The following GALNT10 variants were observed in gnomAD, a reference collection of about 807,000 sequenced individuals.
GALNT10 encodes the protein polypeptide N-acetylgalactosaminyltransferase 10.
GALNT10 carries 41 observed loss-of-function variants against 75.0 expected under a neutral mutation model. The ratio of observed to expected loss-of-function variants is 0.55; its 90% CI spans 0.43 to 0.71. The LOEUF (loss-of-function observed/expected upper bound fraction) is 0.71, where lower values mean the gene tolerates loss of function less well. GALNT10 is among the 30% of genes least tolerant of loss of function. GALNT10 has a pLI of 0.00. For synonymous variants in GALNT10, 302 were observed against 313.0 expected, an observed-to-expected ratio of 0.96 and a Z score of 0.37; for missense variants, 727 against 818.5, an observed-to-expected ratio of 0.89 and a Z score of 1.36.
intron 3 of GALNT10, among the ~76,000 whole-genome samples, chr5:154,305,240 A>G (rs1168375273): frequency 6.6e-6 from 1 of 152,016 alleles, no homozygotes. Context: ...AGGCTGCAGT[A>G]AGCTATGACC....
intron 1 of GALNT10, among the ~76,000 whole-genome samples, chr5:154,252,465 T>A (rs566373581): frequency 4.1e-4 from 63 of 152,324 alleles, no homozygotes; most frequent in African/African-American, 1.5e-3. Flanking sequence ...TGTTGTTCAC[T>A]TTTTCTTTCC....
rs575022967 is a variant in GALNT10, at chr5:154,241,382, G to A, written c.159+50357G>A. On this transcript the variant is annotated intron_variant, in intron 1 of 11. Transcript: ENST00000297107. ...CATAATCTCATTATAGAAAGTTCAC[G>A]AAATGCAGATAAGTGCAAACAAAAG... is the stretch of plus-strand genomic sequence containing the variant. Among the ~76,000 whole-genome samples, 5 of 152,328 alleles carry A rather than the reference G, an allele frequency of 3.3e-5. No homozygotes were observed. The East Asian group carries it at 5.8e-4, about 18-fold the overall frequency.
intron 1 of GALNT10, 93 bp downstream of exon 1, chr5:154,191,118 C>T (rs935123896): frequency 5.8e-6 from 5 of 862,460 alleles, no homozygotes; most frequent in Admixed American, 3.8e-5. Context: ...CTGTCTGCCT[C>T]CTCAGAGTCA....
intron 1 of GALNT10, among the ~76,000 whole-genome samples, chr5:154,194,411 T>G (rs767592127): frequency 2.6e-5 from 4 of 152,206 alleles, no homozygotes; most frequent in Non-Finnish European, 5.9e-5. Context: ...AGGGCTAGTA[T>G]CCTTTAGCTT....
At chr5:154,236,301 T>G (rs1753245640) in intron 1 of GALNT10, among the ~76,000 whole-genome samples, 1 of 152,240 alleles carries the variant, frequency 6.6e-6, no homozygotes, top group South Asian at 2.1e-4. Context: ...AGATAATCCA[T>G]GTAAAATGCC....
chr5:154,390,264 GC>G (rs1383951307), intron 7 of GALNT10, among the ~76,000 whole-genome samples: 1 of 146,512 alleles, frequency 6.8e-6, no homozygotes, highest in East Asian at 2.0e-4. Context: ...AGAACGCATG[GC>G]CCCCCATGTC....
chr5:154,340,816 A>C (rs1239182532), intron 4 of GALNT10, among the ~76,000 whole-genome samples: 1 of 152,232 alleles, frequency 6.6e-6, no homozygotes, highest in Non-Finnish European at 1.5e-5. Flanking sequence ...GCACCTTTAG[A>C]GCTGTTTACA....
In GALNT10 at chr5:154,298,636, G is replaced by T. The variant is rs994886477; in HGVS notation, c.401+557G>T. ...CCGATTTTACAGTGAGAAAACTGGG[G>T]CTTAAAGGAGGGTCATAACTCACTT... On this transcript the variant is annotated intron_variant, in intron 3 of 11. Coordinates refer to ENST00000297107, the MANE Select transcript of GALNT10 (RefSeq NM_198321.4). This position sits in a 1 kb window ranked among gnomAD's most constrained non-coding sequence, Gnocchi z 4.1. Among the ~76,000 whole-genome samples the T allele has an allele frequency of 2.6e-5, 4 of 152,132 alleles. No individual in the cohort carries two copies. The highest frequency in any genetic ancestry group is 4.8e-5 in the African/African-American group (2 of 41,428).
chr5:154,238,548 CATTATTAGGATTATTGCTGTG>C (rs1753283466), intron 1 of GALNT10, among the ~76,000 whole-genome samples: 1 of 152,158 alleles, frequency 6.6e-6, no homozygotes, highest in Non-Finnish European at 1.5e-5. Context: ...TTACCCTGGT[CATTATTAGGATTATTGCTGTG>C]ATTATTAAAC....
chr5:154,311,415 G>A (rs758790476), intron 3 of GALNT10, among the ~76,000 whole-genome samples: 2 of 152,042 alleles, frequency 1.3e-5, no homozygotes, highest in African/African-American at 2.4e-5. Flanking sequence ...GTGTCAAATG[G>A]GGAACATCAC....
chr5:154,270,563 T>C (rs1405004545), intron 1 of GALNT10, among the ~76,000 whole-genome samples: 1 of 152,106 alleles, frequency 6.6e-6, no homozygotes. Flanking sequence ...ATGTGCATGG[T>C]CCTTCACGTT....
At chr5:154,350,178 T>C (rs535207945) in intron 4 of GALNT10, among the ~76,000 whole-genome samples, 1 of 149,686 alleles carries the variant, frequency 6.7e-6, no homozygotes, top group East Asian at 1.9e-4. Flanking sequence ...TCTAATAAAG[T>C]TGCTTTCCTT....
At chr5:154,233,721 T>C (rs993169945) in intron 1 of GALNT10, among the ~76,000 whole-genome samples, 20 of 152,286 alleles carry the variant, frequency 1.3e-4, no homozygotes, top group African/African-American at 4.8e-4. Context: ...GCCATGTTTG[T>C]GATACTGTGC....
chr5:154,416,802 C>A lies in GALNT10; in HGVS notation c.1654-12C>A. The A allele has an allele frequency of 6.2e-7, 1 of 1,607,716 alleles. No individual in the cohort carries two copies. Among genetic ancestry groups the A allele is most frequent in the Non-Finnish European group, 8.5e-7 (1 of 1,174,288 alleles). On this transcript the variant is annotated splice_polypyrimidine_tract_variant and intron_variant, in intron 11 of 11. Transcript: ENST00000297107. The surrounding 1 kb of genome is among the most constrained non-coding windows in gnomAD (Gnocchi z 4.5). Reference sequence around the variant, plus strand: ...CCAGTGCTGTCTGGCTTATTACCTCCATGTTTTGTAGGACAAGACCCTGTA... The same window carrying A: ...CCAGTGCTGTCTGGCTTATTACCTCAATGTTTTGTAGGACAAGACCCTGTA...
At chr5:154,401,959 G>T (rs1427171312) in intron 7 of GALNT10, among the ~76,000 whole-genome samples, 1 of 152,056 alleles carries the variant, frequency 6.6e-6, no homozygotes. Flanking sequence ...TCATAATAAT[G>T]TCCTGAATCC....
At chr5:154,269,406 A>G (rs1201613050) in intron 1 of GALNT10, among the ~76,000 whole-genome samples, 3 of 152,182 alleles carry the variant, frequency 2.0e-5, no homozygotes, top group African/African-American at 4.8e-5. Flanking sequence ...CTATTGATCC[A>G]TTTGGTATTC....
chr5:154,239,225 C>T (rs1202569355), intron 1 of GALNT10, among the ~76,000 whole-genome samples: 2 of 152,208 alleles, frequency 1.3e-5, no homozygotes, highest in Non-Finnish European at 2.9e-5. Flanking sequence ...AGGGCTGGCT[C>T]AGGAGTCCTC....
At position 154,343,965 on chromosome 5, in the gene GALNT10, A is replaced by G. The variant is rs559891255; in HGVS notation, c.568+14227A>G. Among the ~76,000 whole-genome samples, 5 of 152,282 alleles carry G rather than the reference A, an allele frequency of 3.3e-5. No homozygotes were observed. The South Asian group carries it at 1.0e-3, about 32-fold the overall frequency. ...TTTGCTGCCAGTGTCCTTTGAGGCC[A>G]GGTCGCTGATCCTGATGGCTGCCTC... On this transcript the variant is annotated intron_variant, in intron 4 of 11. Coordinates refer to ENST00000297107, the MANE Select transcript of GALNT10 (RefSeq NM_198321.4).
At position 154,230,630 on chromosome 5, in the gene GALNT10, C is replaced by T. The variant is rs1232321241; in HGVS notation, c.159+39605C>T. Reference sequence around the variant, plus strand: ...GATAACAGGTAACAAGCCCACAGTTCTGTGCTTCTGAGACTTGTGAGCCTC... The same window carrying T: ...GATAACAGGTAACAAGCCCACAGTTTTGTGCTTCTGAGACTTGTGAGCCTC... On this transcript the variant is annotated intron_variant, in intron 1 of 11. Transcript: ENST00000297107. 5.9e-5 allele frequency among the ~76,000 whole-genome samples: 9 copies of T among 152,362 alleles called. No individual in the cohort carries two copies. In the South Asian group the frequency reaches 1.4e-3, roughly 25 times the overall value.
Sources: gnomAD v4.1 joint callset for allele counts (sites outside exome capture counted in the v4.1 genomes callset) on GRCh38, gnomAD v4.1.1 for gene constraint, Gnocchi (gnomAD v3.1) non-coding constraint, MANE v1.5 for transcripts, NCBI Gene and HGNC (gene_info 2026-07-23, HGNC 2026-07-21) for gene names.